The following ITGA4 variants were observed in gnomAD, a reference collection of about 807,000 sequenced individuals.
The protein encoded by ITGA4 is integrin subunit alpha 4, also known as integrin alpha-4.
A neutral mutation model predicts 133.6 loss-of-function variants in ITGA4; 63 were observed. The observed-to-expected ratio is 0.47, with a 90% CI of 0.38 to 0.58. The LOEUF (loss-of-function observed/expected upper bound fraction) is 0.58, where lower values mean the gene tolerates loss of function less well. Among genes scored for constraint, ITGA4 ranks in the 20% least tolerant of loss-of-function variants. The pLI is 0.00. For synonymous variants in ITGA4, 483 were observed against 438.0 expected (o/e 1.10, Z -1.28); for missense variants, 1,076 against 1,252.7 (o/e 0.86, Z 2.13).
At chr2:181,487,952 A>G (rs155109) in intron 10 of ITGA4, among the ~76,000 whole-genome samples, 38,636 of 152,162 alleles carry the variant, frequency 0.25, 5,305 homozygotes, top group Non-Finnish European at 0.31. Context: ...TTTTAAAAAC[A>G]CAAAATCACT....
chr2:181,501,078 T>A (rs1164354435), intron 15 of ITGA4, among the ~76,000 whole-genome samples: 1 of 152,074 alleles, frequency 6.6e-6, no homozygotes, highest in Non-Finnish European at 1.5e-5. Context: ...CATGTAGATA[T>A]CTAGGGCAGT....
chr2:181,528,978 A>G (rs532222047), intron 22 of ITGA4, among the ~76,000 whole-genome samples: 4 of 152,344 alleles, frequency 2.6e-5, no homozygotes, highest in South Asian at 2.1e-4. Flanking sequence ...ATGCATCAGC[A>G]TATAGATCCT....
In ITGA4 at chr2:181,536,404, T is replaced by C. The variant is rs1186323373; in HGVS notation, c.*877T>C. Reference sequence around the variant, plus strand: ...ACCTGATACACGCTGATTTAGAAAATACAGAAACCATACCTCACTAATAAC... The same window carrying C: ...ACCTGATACACGCTGATTTAGAAAACACAGAAACCATACCTCACTAATAAC... On this transcript the variant is annotated 3_prime_UTR_variant, in exon 28 of 28. Transcript: ENST00000397033. Among the ~76,000 whole-genome samples the C allele has an allele frequency of 6.6e-6, 1 of 151,930 alleles. No homozygotes were observed. Among genetic ancestry groups the C allele is most frequent in the Non-Finnish European group, 1.5e-5 (1 of 67,920 alleles).
At chr2:181,532,104 G>A (rs1260528712) in intron 25 of ITGA4, among the ~76,000 whole-genome samples, 2 of 152,112 alleles carry the variant, frequency 1.3e-5, no homozygotes, top group Admixed American at 6.5e-5. Context: ...TAGATGTCTG[G>A]TGTTATTTCT....
Position 181,523,193 on chromosome 2 carries a change from TATATATACACACAC to T in ITGA4, c.2074-230_2074-217del, listed in dbSNP as rs1686754711. 6.5e-6 allele frequency: 2 copies of T among 306,892 alleles called. No homozygotes were observed. Among genetic ancestry groups the T allele is most frequent in the Admixed American group, 4.0e-5 (1 of 24,918 alleles). 19.0% of individuals were successfully genotyped at this position (306,892 alleles called of 1,614,324 possible). ...ATACACACACACATACACATACACA[TATATATACACACAC>T]ATATATACACACATATATACATACA... is the stretch of plus-strand genomic sequence containing the variant. On this transcript the variant is annotated intron_variant, in intron 18 of 27. Coordinates refer to ENST00000397033, the MANE Select transcript of ITGA4 (RefSeq NM_000885.6). This position sits in a 1 kb window ranked among gnomAD's most constrained non-coding sequence, Gnocchi z 4.2.
chr2:181,537,712 T>C lies in ITGA4; in HGVS notation c.*2185T>C. 1 of 389,478 alleles carries C rather than the reference T, an allele frequency of 2.6e-6. No individual in the cohort carries two copies. The highest frequency in any genetic ancestry group is 5.0e-6 in the Non-Finnish European group (1 of 201,022). The allele number at this position is 389,478 out of a possible 1,614,324, so 24.1% of individuals were successfully genotyped here. ...TGATGTATTATGATGGTTGCAAAGT[T>C]TTTTTGTGTGTCCAATAAACACATT... On this transcript the variant is annotated 3_prime_UTR_variant, in exon 28 of 28. Transcript: ENST00000397033.
In ITGA4 at chr2:181,523,351, T is replaced by C. The variant is rs1401514729; in HGVS notation, c.2074-86T>C. ...AAAAGCAAATACTTCTGGGATGATATTCTTTTCAATAACCATCCTTAAACA... is the reference window on the plus strand; with the variant it reads ...AAAAGCAAATACTTCTGGGATGATACTCTTTTCAATAACCATCCTTAAACA... On this transcript the variant is annotated intron_variant, in intron 18 of 27. Transcript: ENST00000397033. This position sits in a 1 kb window ranked among gnomAD's most constrained non-coding sequence, Gnocchi z 4.2. The C allele has an allele frequency of 1.3e-6, 1 of 762,960 alleles. No homozygotes were observed. Among genetic ancestry groups the C allele is most frequent in the East Asian group, 2.6e-5 (1 of 39,178 alleles). 47.3% of individuals were successfully genotyped at this position (762,960 alleles called of 1,614,324 possible).
chr2:181,534,423 A>G lies in ITGA4; in HGVS notation c.2883+53A>G, dbSNP rs1000489467. The G allele has an allele frequency of 3.7e-6, 4 of 1,078,706 alleles. No homozygotes were observed. The African/African-American group carries it at 6.3e-5, about 17-fold the overall frequency. 66.8% of individuals were successfully genotyped at this position (1,078,706 alleles called of 1,614,324 possible). On this transcript the variant is annotated intron_variant, in intron 26 of 27. Coordinates refer to ENST00000397033, the MANE Select transcript of ITGA4 (RefSeq NM_000885.6). ...TAAAATTATAGGAAAACACATTTCA[A>G]GGGTGTCTATAATTACTTCCTTCTG...
Position 181,511,704 on chromosome 2 carries a change from CTT to C in ITGA4, c.1853_1854del (p.Phe618CysfsTer7), listed in dbSNP as rs1291220701. 1 of 1,569,550 alleles carries C rather than the reference CTT, an allele frequency of 6.4e-7. No homozygotes were observed. The highest frequency in any genetic ancestry group is 1.7e-5 in the Admixed American group (1 of 58,972). Reference sequence around the variant, plus strand: ...CGTTGTCTTTTTATTTCCAGATAAACTTTGCAAGGTTTTGTGCCCATGAAAAT... The same window carrying C: ...CGTTGTCTTTTTATTTCCAGATAAACTGCAAGGTTTTGTGCCCATGAAAAT... ...EKDIMKKTIN[F>X]ARFCAHENCS... On this transcript the variant is annotated frameshift_variant, in exon 17 of 28. Transcript: ENST00000397033. LOFTEE classifies it high-confidence loss of function.
chr2:181,531,765 AT>A lies in ITGA4; in HGVS notation c.2777del (p.Leu926Ter). ...VHIQLEGRPSILEMDETSALK... is the reference protein window; with the variant it reads ...VHIQLEGRPSXLEMDETSALK... ...TATCCAACTGGAAGGCCGGCCATCCATTTTAGAAATGGTAAGTAAGTCTAAA... is the reference window on the plus strand; with the variant it reads ...TATCCAACTGGAAGGCCGGCCATCCATTTAGAAATGGTAAGTAAGTCTAAA... On this transcript the variant is annotated frameshift_variant, in exon 25 of 28. Coordinates refer to ENST00000397033, the MANE Select transcript of ITGA4 (RefSeq NM_000885.6). LOFTEE classifies it high-confidence loss of function. The A allele has an allele frequency of 6.3e-7, 1 of 1,596,270 alleles. No individual in the cohort carries two copies. The highest frequency in any genetic ancestry group is 1.4e-5 in the African/African-American group (1 of 73,938).
chr2:181,457,475 C>G lies in ITGA4; in HGVS notation c.-180C>G, dbSNP rs1048660507. 2 of 599,932 alleles carry G rather than the reference C, an allele frequency of 3.3e-6. No homozygotes were observed. The highest frequency in any genetic ancestry group is 3.3e-5 in the East Asian group (1 of 30,388). The allele number at this position is 599,932 out of a possible 1,614,324, so 37.2% of individuals were successfully genotyped here. On this transcript the variant is annotated 5_prime_UTR_variant, in exon 1 of 28. Coordinates refer to ENST00000397033, the MANE Select transcript of ITGA4 (RefSeq NM_000885.6). ...GCGCGGCATCCCAGGCCGGCCCGAA[C>G]GCTCCGCCCGCGGTGGGCCGACTTC...
intron 4 of ITGA4, chr2:181,475,736 C>G: frequency 1.3e-6 from 2 of 1,504,610 alleles, no homozygotes; most frequent in Non-Finnish European, 1.8e-6. Context: ...ATCTCTTTTT[C>G]TAATTTACAT....
At chr2:181,475,939 G>A in intron 4 of ITGA4, 1 of 1,466,144 alleles carries the variant, frequency 6.8e-7, no homozygotes. Context: ...GCGTCTTTAG[G>A]AGCTAAGAAA....
At chr2:181,482,480 T>A in intron 8 of ITGA4, 34 bp from the exon 9 acceptor site, 1 of 1,613,638 alleles carries the variant, frequency 6.2e-7, no homozygotes, top group Non-Finnish European at 8.5e-7. Flanking sequence ...CCTGCTTTTT[T>A]CTCAATGAGT....
At chr2:181,497,729 G>T (rs1200098281) in intron 14 of ITGA4, among the ~76,000 whole-genome samples, 1 of 152,028 alleles carries the variant, frequency 6.6e-6, no homozygotes, top group Non-Finnish European at 1.5e-5. Flanking sequence ...TATCACTTAT[G>T]AATTATTGCC....
chr2:181,495,431 T>G lies in ITGA4; in HGVS notation c.1385+15T>G, dbSNP rs1179029355. On this transcript the variant is annotated intron_variant, in intron 13 of 27. Coordinates refer to ENST00000397033, the MANE Select transcript of ITGA4 (RefSeq NM_000885.6). The surrounding 1 kb of genome is among the most constrained non-coding windows in gnomAD (Gnocchi z 4.3). ...GTCTTGCTAAGGTAAGACTGATATA[T>G]TTCACTGCTTAATTGCAATTTGGTT... The G allele has an allele frequency of 2.5e-6, 4 of 1,587,100 alleles. No homozygotes were observed. The highest frequency in any genetic ancestry group is 3.3e-5 in the Admixed American group (2 of 59,866).
At chr2:181,483,698 C>A (rs938041058) in intron 9 of ITGA4, among the ~76,000 whole-genome samples, 1 of 152,156 alleles carries the variant, frequency 6.6e-6, no homozygotes, top group Non-Finnish European at 1.5e-5. Flanking sequence ...AGCAAATTAT[C>A]TACACAGTGA....
chr2:181,535,040 T>TTAAC (rs1385527038), intron 27 of ITGA4, 105 bp downstream of exon 27: 16 of 1,299,540 alleles, frequency 1.2e-5, no homozygotes, highest in South Asian at 1.6e-5. Context: ...TATTTGAATG[T>TTAAC]TAACTTTTTA....
At chr2:181,526,935 G>A (rs533242250) in intron 21 of ITGA4, among the ~76,000 whole-genome samples, 56 of 145,766 alleles carry the variant, frequency 3.8e-4, no homozygotes, top group Non-Finnish European at 7.0e-4. Context: ...GGGTTCAAGC[G>A]ATTCTCCTGC....
Sources: gnomAD v4.1 joint callset for allele counts (sites outside exome capture counted in the v4.1 genomes callset) on GRCh38, gnomAD v4.1.1 for gene constraint, Gnocchi (gnomAD v3.1) non-coding constraint, MANE v1.5 for transcripts, NCBI Gene and HGNC (gene_info 2026-07-23, HGNC 2026-07-21) for gene names.